TTC28: variants seen among roughly 807,000 people sequenced by gnomAD.
TTC28 encodes tetratricopeptide repeat domain 28.
A neutral mutation model predicts 198.0 loss-of-function variants in TTC28; 61 were observed. The observed-to-expected ratio is 0.31, with a 90% CI of 0.25 to 0.38. The LOEUF (loss-of-function observed/expected upper bound fraction) is 0.38. TTC28 is among the 10% of genes least tolerant of loss of function. The probability of loss-of-function intolerance (pLI) is 1.00; values close to 1 mark genes in which losing one functional copy is unlikely to be tolerated. For missense variants in TTC28, 2,678 were observed against 3,164.0 expected (o/e 0.85, Z 3.69); for synonymous variants, 1,171 against 1,297.8 (o/e 0.90, Z 2.10).
intron 8 of TTC28, among the ~76,000 whole-genome samples, chr22:28,104,063 T>C (rs1601622911): frequency 6.6e-6 from 1 of 152,188 alleles, no homozygotes; most frequent in African/African-American, 2.4e-5. Context: ...GTGCAGTCCC[T>C]GGTCTGTTGC....
chr22:27,998,968 C>G lies in TTC28; in HGVS notation c.4691G>C (p.Gly1564Ala). The G allele has an allele frequency of 6.4e-7, 1 of 1,550,672 alleles. No individual in the cohort carries two copies. Among genetic ancestry groups the G allele is most frequent in the East Asian group, 2.4e-5 (1 of 40,908 alleles). ...GGAGCTCTTGCTGCTGGCAGGGTTGCCGTCCATGCTGGGCGTGAGGACCAA... is the reference window on the plus strand; with the variant it reads ...GGAGCTCTTGCTGCTGGCAGGGTTGGCGTCCATGCTGGGCGTGAGGACCAA... Reference protein sequence around the residue: ...SALVLTPSMDGNPASSKSSFG... With the variant: ...SALVLTPSMDANPASSKSSFG... The change falls in exon 16 of 23, where the codon GGC (glycine) becomes GCC (alanine). Residue 1564 changes from glycine to alanine, a missense_variant. Transcript: ENST00000397906.
chr22:28,315,572 G>A (rs568268073), intron 2 of TTC28, among the ~76,000 whole-genome samples: 1 of 152,304 alleles, frequency 6.6e-6, no homozygotes, highest in South Asian at 2.1e-4. Context: ...GTGCAAAACA[G>A]TGTTTTAGGT....
At chr22:28,315,152 G>C (rs2045332923) in intron 2 of TTC28, among the ~76,000 whole-genome samples, 1 of 152,070 alleles carries the variant, frequency 6.6e-6, no homozygotes, top group African/African-American at 2.4e-5. Context: ...CAGAGACCGA[G>C]TTCTCACTAT....
chr22:28,125,096 C>T (rs1942883127), intron 6 of TTC28, among the ~76,000 whole-genome samples: 1 of 152,190 alleles, frequency 6.6e-6, no homozygotes, highest in African/African-American at 2.4e-5. Context: ...ACCATGCTCT[C>T]ATGCCTCCCC....
chr22:28,458,398 G>GA (rs2047896791), intron 2 of TTC28, among the ~76,000 whole-genome samples: 3 of 152,118 alleles, frequency 2.0e-5, no homozygotes, highest in Admixed American at 2.0e-4. Flanking sequence ...AAACCACTCT[G>GA]AAATGGGTCA....
rs576161775 is a variant in TTC28, at chr22:28,257,156, TGTAA to T, written c.933+39038_933+39041del. On this transcript the variant is annotated intron_variant, in intron 5 of 22. Transcript: ENST00000397906. Reference sequence around the variant, plus strand: ...AACCTTTGTACACTGTTGGTGGGAATGTAAGTAAGTACAGCTACTTTGGGGCAGA... The same window carrying T: ...AACCTTTGTACACTGTTGGTGGGAATGTAAGTACAGCTACTTTGGGGCAGA... 1.8e-3 allele frequency among the ~76,000 whole-genome samples: 280 copies of T among 152,290 alleles called. 1 individual carries two copies. The highest frequency in any genetic ancestry group is 2.9e-3 in the Non-Finnish European group (195 of 68,016).
At chr22:28,589,550 T>A (rs2050385653) in intron 2 of TTC28, among the ~76,000 whole-genome samples, 1 of 152,204 alleles carries the variant, frequency 6.6e-6, no homozygotes, top group African/African-American at 2.4e-5. Context: ...ACTGCCCACA[T>A]TGTGGATGGG....
intron 2 of TTC28, among the ~76,000 whole-genome samples, chr22:28,420,996 A>T (rs917239430): frequency 5.3e-5 from 8 of 152,080 alleles, no homozygotes; most frequent in Admixed American, 1.3e-4. Flanking sequence ...ACTAGTACAT[A>T]TTCATCCAAA....
intron 2 of TTC28, among the ~76,000 whole-genome samples, chr22:28,386,078 C>A (rs573964423): frequency 1.3e-5 from 2 of 151,404 alleles, no homozygotes; most frequent in South Asian, 4.2e-4. Flanking sequence ...AGATCGAGAC[C>A]ATCCCGGCTA....
At chr22:28,238,704 A>G (rs930152875) in intron 5 of TTC28, among the ~76,000 whole-genome samples, 1 of 152,104 alleles carries the variant, frequency 6.6e-6, no homozygotes, top group Non-Finnish European at 1.5e-5. Flanking sequence ...CCATCTGGCC[A>G]TGTGGTAGTT....
intron 2 of TTC28, among the ~76,000 whole-genome samples, chr22:28,494,912 A>G (rs1374874621): frequency 6.6e-6 from 1 of 152,110 alleles, no homozygotes. Context: ...TTGATGAAAC[A>G]AGAATGGGAT....
At chr22:28,239,740 G>A (rs773153712) in intron 5 of TTC28, among the ~76,000 whole-genome samples, 8 of 152,042 alleles carry the variant, frequency 5.3e-5, no homozygotes, top group Non-Finnish European at 8.8e-5. Context: ...AAGGAATGGG[G>A]CTTGAAAAAA....
intron 2 of TTC28, among the ~76,000 whole-genome samples, chr22:28,560,415 A>C (rs1330092088): frequency 6.6e-6 from 1 of 152,190 alleles, no homozygotes; most frequent in Non-Finnish European, 1.5e-5. Context: ...AATGGCTTCT[A>C]ATCATATTTA....
At chr22:28,256,260 A>G (rs568627672) in intron 5 of TTC28, among the ~76,000 whole-genome samples, 1 of 152,178 alleles carries the variant, frequency 6.6e-6, no homozygotes, top group Admixed American at 6.5e-5. Context: ...CGTCTCTACT[A>G]AAGATACAAA....
chr22:28,560,881 C>T (rs751732572), intron 2 of TTC28, among the ~76,000 whole-genome samples: 3 of 150,846 alleles, frequency 2.0e-5, no homozygotes, highest in Non-Finnish European at 3.0e-5. Flanking sequence ...CTCAGCCTCC[C>T]AAGTAGCTGG....
chr22:28,286,292 C>T (rs562670551), intron 5 of TTC28, among the ~76,000 whole-genome samples: 1 of 152,156 alleles, frequency 6.6e-6, no homozygotes, highest in Non-Finnish European at 1.5e-5. Context: ...ATAATTTAAA[C>T]TTTCTAGTAA....
chr22:28,051,939 A>G (rs1351012216), intron 12 of TTC28, among the ~76,000 whole-genome samples: 2 of 152,104 alleles, frequency 1.3e-5, no homozygotes, highest in Admixed American at 1.3e-4. Flanking sequence ...GGGTCGCCCA[A>G]GTCATCTAGC....
intron 5 of TTC28, among the ~76,000 whole-genome samples, chr22:28,211,976 TCAA>T (rs1927009170): frequency 6.6e-6 from 1 of 152,064 alleles, no homozygotes; most frequent in Non-Finnish European, 1.5e-5. Context: ...AGAAACTCAC[TCAA>T]AACCGCTCAA....
chr22:28,318,350 T>A (rs1461975451), intron 2 of TTC28, among the ~76,000 whole-genome samples: 1 of 152,172 alleles, frequency 6.6e-6, no homozygotes, highest in African/African-American at 2.4e-5. Context: ...AAGAGAAGGC[T>A]TTTCTTGGTG....
Sources: gnomAD v4.1 joint callset for allele counts (sites outside exome capture counted in the v4.1 genomes callset) on GRCh38, gnomAD v4.1.1 for gene constraint, MANE v1.5 for transcripts, NCBI Gene and HGNC (gene_info 2026-07-23, HGNC 2026-07-21) for gene names.